DPYS: variants seen among roughly 807,000 people sequenced by gnomAD.
DPYS encodes the protein dihydropyrimidinase.
DPYS carries 39 observed loss-of-function variants against 50.3 expected under a neutral mutation model. The observed-to-expected ratio is 0.78, with a 90% CI of 0.60 to 1.01. The LOEUF is 1.01. DPYS is among the 50% of genes least tolerant of loss of function. The pLI is 0.00. For synonymous variants in DPYS, 245 were observed against 250.7 expected (o/e 0.98, Z 0.22); for missense variants, 659 against 680.9 (o/e 0.97, Z 0.36).
chr8:104,409,602 T>C (rs1466896968), intron 7 of DPYS, among the ~76,000 whole-genome samples: 1 of 152,214 alleles, frequency 6.6e-6, no homozygotes, highest in Admixed American at 6.5e-5. Context: ...GATAGTTGAA[T>C]TTTTCTAAGC....
intron 1 of DPYS, among the ~76,000 whole-genome samples, chr8:104,463,355 C>G (rs1814237547): frequency 6.6e-6 from 1 of 152,220 alleles, no homozygotes; most frequent in Non-Finnish European, 1.5e-5. Context: ...GAGTTACTGT[C>G]TTTTCTAAAG....
chr8:104,422,127 C>G (rs951511255), intron 7 of DPYS, among the ~76,000 whole-genome samples: 1 of 152,182 alleles, frequency 6.6e-6, no homozygotes, highest in African/African-American at 2.4e-5. Context: ...AGGCTGGGCC[C>G]TGTTGGAGAT....
intron 7 of DPYS, among the ~76,000 whole-genome samples, chr8:104,408,062 T>C (rs543546186): frequency 7.9e-5 from 12 of 152,374 alleles, no homozygotes; most frequent in Non-Finnish European, 1.2e-4. Context: ...ACCTACTCCG[T>C]GCCAGGCACG....
intron 2 of DPYS, among the ~76,000 whole-genome samples, chr8:104,448,392 G>A (rs1813615711): frequency 1.3e-5 from 2 of 152,094 alleles, no homozygotes. Flanking sequence ...CCGACCTCAA[G>A]TCATCTGCCC....
intron 5 of DPYS, among the ~76,000 whole-genome samples, chr8:104,428,984 C>A (rs945054742): frequency 3.9e-5 from 6 of 151,976 alleles, no homozygotes; most frequent in African/African-American, 1.5e-4. Context: ...GCATAAGCCA[C>A]CACGCCCAGC....
intron 8 of DPYS, among the ~76,000 whole-genome samples, chr8:104,391,168 A>G (rs1292434873): frequency 6.6e-6 from 1 of 152,212 alleles, no homozygotes; most frequent in Admixed American, 6.5e-5. Context: ...AAATGGATAA[A>G]TCTTGCATAA....
At chr8:104,450,262 T>C (rs1813692210) in intron 2 of DPYS, among the ~76,000 whole-genome samples, 1 of 152,124 alleles carries the variant, frequency 6.6e-6, no homozygotes, top group Non-Finnish European at 1.5e-5. Flanking sequence ...TCACTAAAAA[T>C]GGCATTTTTG....
chr8:104,445,652 GA>G (rs1454277530), intron 3 of DPYS, among the ~76,000 whole-genome samples: 6 of 152,122 alleles, frequency 3.9e-5, no homozygotes, highest in South Asian at 2.1e-4. Context: ...GCGGTGGGGA[GA>G]GGGGGGAAGG....
chr8:104,394,045 G>A (rs573142753), intron 7 of DPYS, among the ~76,000 whole-genome samples: 1 of 152,326 alleles, frequency 6.6e-6, no homozygotes, highest in Non-Finnish European at 1.5e-5. Flanking sequence ...TTATGAGTGA[G>A]AACATACAAT....
At chr8:104,400,855 C>T (rs747127653) in intron 7 of DPYS, among the ~76,000 whole-genome samples, 93 of 152,334 alleles carry the variant, frequency 6.1e-4, no homozygotes, top group Non-Finnish European at 1.1e-3. Context: ...AACTTTGATA[C>T]CACTCACATC....
Position 104,379,703 on chromosome 8 carries a change from T to C in DPYS, c.*155A>G. On this transcript the variant is annotated 3_prime_UTR_variant, in exon 10 of 10. Coordinates refer to ENST00000351513, the MANE Select transcript of DPYS (RefSeq NM_001385.3). Reference sequence around the variant, plus strand: ...CACAGTGAGAAAGACAGCAATTGCTTCTGAAAGAAAATCAAAGAAGCCTAT... The same window carrying C: ...CACAGTGAGAAAGACAGCAATTGCTCCTGAAAGAAAATCAAAGAAGCCTAT... The C allele has an allele frequency of 2.3e-6, 1 of 428,986 alleles. No individual in the cohort carries two copies. Among genetic ancestry groups the C allele is most frequent in the Non-Finnish European group, 4.6e-6 (1 of 215,628 alleles). 26.6% of individuals were successfully genotyped at this position (428,986 alleles called of 1,614,324 possible).
chr8:104,381,750 A>G (rs1811049299), intron 8 of DPYS, among the ~76,000 whole-genome samples: 1 of 152,020 alleles, frequency 6.6e-6, no homozygotes, highest in Non-Finnish European at 1.5e-5. Flanking sequence ...TCTGTGCATT[A>G]TGGATCTTCC....
At position 104,466,963 on chromosome 8, in the gene DPYS, AG is replaced by A. The variant is rs1236283513; in HGVS notation, c.-44del. The A allele has an allele frequency of 1.0e-5, 9 of 891,648 alleles. No individual in the cohort carries two copies. The East Asian group carries it at 5.1e-4, about 50-fold the overall frequency. 55.2% of individuals were successfully genotyped at this position (891,648 alleles called of 1,614,324 possible). On this transcript the variant is annotated 5_prime_UTR_variant, in exon 1 of 10. Transcript: ENST00000351513. ...GTCCTACTCGGCCCGGGCTGCGCGC[AG>A]GGGCTGGGTTGGGCGGGCCGGGCGG...
intron 8 of DPYS, among the ~76,000 whole-genome samples, chr8:104,386,000 C>T (rs1362901579): frequency 6.6e-6 from 1 of 152,198 alleles, no homozygotes; most frequent in Non-Finnish European, 1.5e-5. Flanking sequence ...ACATAGGTGG[C>T]ACCTCACCTA....
chr8:104,460,729 T>G (rs527769384), intron 1 of DPYS, among the ~76,000 whole-genome samples: 5 of 152,290 alleles, frequency 3.3e-5, no homozygotes, highest in Admixed American at 2.6e-4. Flanking sequence ...GAACCAAAGC[T>G]TTAGTTAGCA....
At chr8:104,450,911 G>C (rs1033325586) in intron 2 of DPYS, among the ~76,000 whole-genome samples, 1 of 152,068 alleles carries the variant, frequency 6.6e-6, no homozygotes, top group African/African-American at 2.4e-5. Context: ...AGATTCGGGG[G>C]ATATTGAATT....
At chr8:104,405,606 G>T (rs1217814928) in intron 7 of DPYS, among the ~76,000 whole-genome samples, 2 of 152,212 alleles carry the variant, frequency 1.3e-5, no homozygotes, top group African/African-American at 4.8e-5. Context: ...GTCCCAATTA[G>T]CAACTAAGTT....
intron 5 of DPYS, chr8:104,429,307 G>A (rs753928391): frequency 7.1e-4 from 389 of 546,908 alleles, no homozygotes; most frequent in Non-Finnish European, 1.0e-3. Context: ...TCAGAAAAGA[G>A]TAAAGTTTCA....
At chr8:104,384,967 G>A (rs1811166040) in intron 8 of DPYS, among the ~76,000 whole-genome samples, 1 of 152,114 alleles carries the variant, frequency 6.6e-6, no homozygotes, top group Non-Finnish European at 1.5e-5. Context: ...AGGTTGGTGG[G>A]CCCAGAGCTC....
Sources: gnomAD v4.1 joint callset for allele counts (sites outside exome capture counted in the v4.1 genomes callset) on GRCh38, gnomAD v4.1.1 for gene constraint, MANE v1.5 for transcripts, NCBI Gene and HGNC (gene_info 2026-07-23, HGNC 2026-07-21) for gene names.